The following NEK10 variants were observed in gnomAD, a reference collection of about 807,000 sequenced individuals.
NEK10 encodes serine/threonine-protein kinase Nek10.
Under a neutral mutation model 159.8 loss-of-function variants are expected in NEK10, and 122 were observed. The ratio of observed to expected loss-of-function variants is 0.76; its 90% CI spans 0.66 to 0.89. The LOEUF (loss-of-function observed/expected upper bound fraction) is 0.89, where lower values mean the gene tolerates loss of function less well. Among genes scored for constraint, NEK10 ranks in the 40% least tolerant of loss-of-function variants. NEK10 has a pLI of 0.00. For synonymous variants in NEK10, 466 were observed against 457.1 expected (o/e 1.02, Z -0.25); for missense variants, 1,342 against 1,323.1 (o/e 1.01, Z -0.22).
intron 3 of NEK10, among the ~76,000 whole-genome samples, chr3:27,347,797 C>T (rs1300473546): frequency 6.6e-6 from 1 of 152,124 alleles, no homozygotes; most frequent in Non-Finnish European, 1.5e-5. Context: ...GTTAAGAGAA[C>T]AAATTCCCTG....
At chr3:27,302,334 G>T (rs139721089) in intron 12 of NEK10, among the ~76,000 whole-genome samples, 48 of 151,530 alleles carry the variant, frequency 3.2e-4, no homozygotes, top group Non-Finnish European at 6.2e-4. Context: ...TTATTCATTG[G>T]TCTTTTTCTT....
At position 27,352,513 on chromosome 3, in the gene NEK10, A is replaced by T. The variant is rs750632047; in HGVS notation, c.84T>A (p.Asp28Glu). 1 of 1,608,938 alleles carries T rather than the reference A, an allele frequency of 6.2e-7. No individual in the cohort carries two copies. The highest frequency in any genetic ancestry group is 8.5e-7 in the Non-Finnish European group (1 of 1,175,436). The change falls in exon 3 of 36, where the codon GAT (aspartate) becomes GAA (glutamate). Residue 28 changes from aspartate (D) to glutamate (E), a missense_variant. Transcript: ENST00000691995. ...QQEITIRDYSDLKRLRCLLNV... is the reference protein window; with the variant it reads ...QQEITIRDYSELKRLRCLLNV... ...TCAAAAGGCACCGAAGTCTTTTAAG[A>T]TCTGAATAGTCCCTAGGAGAGAGAA...
chr3:27,360,274 CA>C (rs1357298488), intron 1 of NEK10, among the ~76,000 whole-genome samples: 1 of 152,128 alleles, frequency 6.6e-6, no homozygotes, highest in Non-Finnish European at 1.5e-5. Flanking sequence ...GGCCCAAGAA[CA>C]GAATGTAAAT....
intron 6 of NEK10, among the ~76,000 whole-genome samples, chr3:27,321,777 C>T (rs75204227): frequency 6.6e-6 from 1 of 152,324 alleles, no homozygotes; most frequent in East Asian, 1.9e-4. Context: ...GCTCCATTGG[C>T]TGCCTCTCAG....
chr3:27,120,963 T>C (rs1290139751), intron 32 of NEK10, among the ~76,000 whole-genome samples: 1 of 152,234 alleles, frequency 6.6e-6, no homozygotes, highest in Non-Finnish European at 1.5e-5. Context: ...TGTATTCATA[T>C]ACTTTGTTTA....
Position 27,316,171 on chromosome 3 carries a change from G to A in NEK10, c.448-1833C>T, listed in dbSNP as rs548600624. Among the ~76,000 whole-genome samples the A allele has an allele frequency of 3.9e-5, 6 of 152,184 alleles. No individual in the cohort carries two copies. The South Asian group carries it at 1.0e-3, about 26-fold the overall frequency. ...TACCCAATGAAAACGTGTGAGCAAGGGACTGGCCAGAATTAGCTGTGGGGA... is the reference window on the plus strand; with the variant it reads ...TACCCAATGAAAACGTGTGAGCAAGAGACTGGCCAGAATTAGCTGTGGGGA... On this transcript the variant is annotated intron_variant, in intron 6 of 35. Transcript: ENST00000691995.
intron 1 of NEK10, chr3:27,363,882 G>C (rs2048860719): frequency 6.6e-6 from 1 of 152,112 alleles, no homozygotes; most frequent in East Asian, 1.9e-4. Context: ...GGTTAGAGGA[G>C]ACTTGGTTTC....
intron 23 of NEK10, among the ~76,000 whole-genome samples, chr3:27,246,201 A>G (rs1217150296): frequency 1.3e-5 from 2 of 152,184 alleles, no homozygotes; most frequent in African/African-American, 4.8e-5. Flanking sequence ...CAATGGCATT[A>G]TGTACCTACA....
rs369560719 is a variant in NEK10 at position 27,174,869 on chromosome 3, C to A, written c.2506-36G>T. ...AAATTCAGTTTTTCATAGCCTCTTT[C>A]TCTATCCTTCCTTCTATAGGACCTA... On this transcript the variant is annotated intron_variant, in intron 26 of 35. Coordinates refer to ENST00000691995, the MANE Select transcript of NEK10 (RefSeq NM_001394966.1). The A allele has an allele frequency of 1.0e-4, 154 of 1,507,784 alleles. No homozygotes were observed. In the African/African-American group the frequency reaches 1.6e-3, roughly 16 times the overall value. The allele number at this position is 1,507,784 out of a possible 1,614,324, so 93.4% of individuals were successfully genotyped here. A position where few individuals can be genotyped will look rare whatever the true frequency, so the allele number is the denominator to read the frequency against.
At chr3:27,302,316 A>C (rs894662143) in intron 12 of NEK10, among the ~76,000 whole-genome samples, 3 of 151,242 alleles carry the variant, frequency 2.0e-5, no homozygotes, top group African/African-American at 7.3e-5. Context: ...TTCATTTTCT[A>C]ATTTCTTTTA....
At position 27,111,192 on chromosome 3, in the gene NEK10, T is replaced by C. The variant is rs1939482262; in HGVS notation, c.*80A>G. The stretch of plus-strand genomic sequence containing the variant: ...CACACCCTCTAGCAGCACCCAATCC[T>C]TGGGCATCTTGCAATAGCGGCTGAA... On this transcript the variant is annotated 3_prime_UTR_variant, in exon 36 of 36. Transcript: ENST00000691995. The C allele has an allele frequency of 2.2e-6, 3 of 1,360,334 alleles. No homozygotes were observed. The highest frequency in any genetic ancestry group is 4.6e-5 in the East Asian group (2 of 43,244). The allele number at this position is 1,360,334 out of a possible 1,614,324, so 84.3% of individuals were successfully genotyped here. A position where few individuals can be genotyped will look rare whatever the true frequency, so the allele number is the denominator to read the frequency against.
chr3:27,120,887 A>G (rs979102230), intron 32 of NEK10, among the ~76,000 whole-genome samples: 1 of 152,200 alleles, frequency 6.6e-6, no homozygotes, highest in Non-Finnish European at 1.5e-5. Context: ...TTACTTTTAA[A>G]ATATAAATTC....
intron 26 of NEK10, among the ~76,000 whole-genome samples, chr3:27,190,947 T>A (rs1022061344): frequency 4.6e-5 from 7 of 152,192 alleles, no homozygotes; most frequent in Non-Finnish European, 7.3e-5. Context: ...ATAACTTAAA[T>A]AATCATCATG....
intron 30 of NEK10, among the ~76,000 whole-genome samples, chr3:27,155,047 C>T (rs1374887311): frequency 6.6e-6 from 1 of 152,100 alleles, no homozygotes; most frequent in Non-Finnish European, 1.5e-5. Context: ...ACCTTGAAAA[C>T]CCTAAAGACT....
chr3:27,308,677 G>C (rs2044434327), intron 10 of NEK10, among the ~76,000 whole-genome samples: 1 of 152,094 alleles, frequency 6.6e-6, no homozygotes, highest in Non-Finnish European at 1.5e-5. Flanking sequence ...AAGTAACTGA[G>C]GGTTAGATGA....
chr3:27,293,298 AATT>A (rs1458987822), intron 16 of NEK10, among the ~76,000 whole-genome samples: 2 of 152,254 alleles, frequency 1.3e-5, no homozygotes, highest in Non-Finnish European at 2.9e-5. Context: ...TAATATCTTT[AATT>A]ATCAAAAAGA....
intron 23 of NEK10, among the ~76,000 whole-genome samples, chr3:27,249,189 C>G (rs557290030): frequency 6.6e-6 from 1 of 152,158 alleles, no homozygotes; most frequent in South Asian, 2.1e-4. Flanking sequence ...AAAGAAGGAG[C>G]CTTGCTTCCC....
chr3:27,139,098 C>A (rs935855280), intron 31 of NEK10, among the ~76,000 whole-genome samples: 2 of 152,072 alleles, frequency 1.3e-5, no homozygotes. Context: ...GAAATTTAAT[C>A]GAGCAGCTTA....
rs768268598 is a variant in NEK10, at chr3:27,346,085, C to G, written c.263+1G>C. 1 of 1,613,316 alleles carries G rather than the reference C, an allele frequency of 6.2e-7. No homozygotes were observed. The highest frequency in any genetic ancestry group is 8.5e-7 in the Non-Finnish European group (1 of 1,179,544). On this transcript the variant is annotated splice_donor_variant, in intron 4 of 35. Coordinates refer to ENST00000691995, the MANE Select transcript of NEK10 (RefSeq NM_001394966.1). LOFTEE classifies it high-confidence loss of function. ...GACGAAGGAGATGCTGGATTTCTTA[C>G]CTAAAATTTTCAAGTTCAACAGCTT...
Sources: allele counts gnomAD v4.1 joint callset (sites outside exome capture counted in the v4.1 genomes callset), GRCh38; gene constraint gnomAD v4.1.1; transcripts MANE v1.5; gene names NCBI Gene and HGNC (gene_info 2026-07-23, HGNC 2026-07-21).